The following LMX1A variants were observed in gnomAD, a reference collection of about 807,000 sequenced individuals.
LMX1A encodes the protein LIM homeobox transcription factor 1 alpha, also known as LIM homeobox transcription factor 1-alpha.
Under a neutral mutation model 49.1 loss-of-function variants are expected in LMX1A, and 15 were observed. The observed-to-expected ratio is 0.31, with a 90% CI of 0.20 to 0.47. The LOEUF is 0.47. Among genes scored for constraint, LMX1A ranks in the 20% least tolerant of loss-of-function variants. The pLI is 1.00. For missense variants in LMX1A, 372 were observed against 475.8 expected (o/e 0.78, Z 2.03); for synonymous variants, 167 against 185.7 (o/e 0.90, Z 0.82).
chr1:165,325,731 C>T (rs535808949), intron 3 of LMX1A, among the ~76,000 whole-genome samples: 2 of 152,272 alleles, frequency 1.3e-5, no homozygotes, highest in African/African-American at 2.4e-5. Flanking sequence ...TGAACTCAAA[C>T]ACCAGCAAGC....
At chr1:165,247,517 T>G (rs565016937) in intron 4 of LMX1A, among the ~76,000 whole-genome samples, 9 of 152,268 alleles carry the variant, frequency 5.9e-5, no homozygotes, top group African/African-American at 2.2e-4. Flanking sequence ...AGGAGAAATT[T>G]CCCTCAAATC....
intron 4 of LMX1A, among the ~76,000 whole-genome samples, chr1:165,227,205 G>C (rs1459408136): frequency 6.6e-6 from 1 of 152,206 alleles, no homozygotes; most frequent in East Asian, 1.9e-4. Context: ...GGAGGGGTTA[G>C]CAGAGCTGAC....
At chr1:165,287,457 C>T (rs1404642702) in intron 3 of LMX1A, among the ~76,000 whole-genome samples, 3 of 152,190 alleles carry the variant, frequency 2.0e-5, no homozygotes, top group African/African-American at 7.2e-5. Flanking sequence ...CAAGACTGGG[C>T]TGGAATTGGG....
intron 4 of LMX1A, among the ~76,000 whole-genome samples, chr1:165,230,854 G>A (rs1283394905): frequency 6.6e-6 from 1 of 152,168 alleles, no homozygotes; most frequent in Non-Finnish European, 1.5e-5. Context: ...GTCTGTCACA[G>A]GTGGCGAGAG....
chr1:165,203,879 C>T lies in LMX1A; in HGVS notation c.*1G>A, dbSNP rs1571141181. 1 of 1,613,950 alleles carries T rather than the reference C, an allele frequency of 6.2e-7. No homozygotes were observed. The highest frequency in any genetic ancestry group is 8.5e-7 in the Non-Finnish European group (1 of 1,179,888). On this transcript the variant is annotated 3_prime_UTR_variant, in exon 9 of 9. Coordinates refer to ENST00000342310, the MANE Select transcript of LMX1A (RefSeq NM_177398.4). ...CTAGTCACAGAACTCTAGGGGAAGA[C>T]TCAAGATGTGAAGTAAGAATTCTGC...
chr1:165,340,461 C>T (rs998110722), intron 3 of LMX1A, among the ~76,000 whole-genome samples: 1 of 152,106 alleles, frequency 6.6e-6, no homozygotes, highest in African/African-American at 2.4e-5. Flanking sequence ...TACTGCCCTG[C>T]CTTCCAGAAC....
At chr1:165,339,013 C>T (rs1655984114) in intron 3 of LMX1A, among the ~76,000 whole-genome samples, 3 of 152,334 alleles carry the variant, frequency 2.0e-5, no homozygotes, top group South Asian at 4.1e-4. Context: ...GCATGTTCCA[C>T]ACCTCAGAGA....
chr1:165,221,037 G>A (rs559418876), intron 4 of LMX1A, among the ~76,000 whole-genome samples: 139 of 152,224 alleles, frequency 9.1e-4, no homozygotes, highest in African/African-American at 3.2e-3. Flanking sequence ...GAAATGCCTT[G>A]TTATCGGTTT....
intron 3 of LMX1A, among the ~76,000 whole-genome samples, chr1:165,275,231 G>A (rs560918555): frequency 6.6e-6 from 1 of 152,236 alleles, no homozygotes; most frequent in East Asian, 1.9e-4. Context: ...CGACAGCCCC[G>A]AGTCCTAGGC....
intron 4 of LMX1A, among the ~76,000 whole-genome samples, chr1:165,233,423 C>T (rs1200631027): frequency 6.6e-6 from 1 of 152,138 alleles, no homozygotes; most frequent in Non-Finnish European, 1.5e-5. Flanking sequence ...CCACTGCACT[C>T]TAGCCTGGGT....
chr1:165,346,478 T>G (rs146464956), intron 3 of LMX1A, among the ~76,000 whole-genome samples: 1 of 152,338 alleles, frequency 6.6e-6, no homozygotes, highest in African/African-American at 2.4e-5. Flanking sequence ...CTAGCTAATC[T>G]GTGCATGGCA....
chr1:165,253,486 G>A (rs1408997193), intron 3 of LMX1A, among the ~76,000 whole-genome samples: 1 of 151,964 alleles, frequency 6.6e-6, no homozygotes, highest in East Asian at 1.9e-4. Flanking sequence ...CTCACAGGTT[G>A]ACACAAAAAA....
chr1:165,292,533 G>A (rs1160577011), intron 3 of LMX1A, among the ~76,000 whole-genome samples: 2 of 152,188 alleles, frequency 1.3e-5, no homozygotes, highest in Non-Finnish European at 2.9e-5. Flanking sequence ...TCACCTGTGC[G>A]GCAGGATTAT....
chr1:165,306,376 T>C (rs934597651), intron 3 of LMX1A, among the ~76,000 whole-genome samples: 1 of 152,196 alleles, frequency 6.6e-6, no homozygotes, highest in Non-Finnish European at 1.5e-5. Context: ...TTGGCTTCTG[T>C]CATTCTCCAT....
intron 3 of LMX1A, among the ~76,000 whole-genome samples, chr1:165,289,646 G>A (rs186931190): frequency 3.9e-5 from 6 of 152,388 alleles, no homozygotes; most frequent in East Asian, 3.9e-4. Flanking sequence ...AGGAACTGCC[G>A]TGTAGCACAA....
intron 3 of LMX1A, among the ~76,000 whole-genome samples, chr1:165,307,988 A>C (rs1311817384): frequency 2.0e-5 from 3 of 152,236 alleles, no homozygotes; most frequent in Non-Finnish European, 4.4e-5. Context: ...TTGAGTCAGA[A>C]CAATTTCAGG....
At chr1:165,271,230 C>A (rs1308934935) in intron 3 of LMX1A, among the ~76,000 whole-genome samples, 1 of 152,100 alleles carries the variant, frequency 6.6e-6, no homozygotes, top group Non-Finnish European at 1.5e-5. Flanking sequence ...TGAAGAACCC[C>A]CTGGTCCCAG....
chr1:165,335,313 C>T (rs1655865388), intron 3 of LMX1A, among the ~76,000 whole-genome samples: 1 of 151,990 alleles, frequency 6.6e-6, no homozygotes, highest in South Asian at 2.1e-4. Flanking sequence ...AGCAAAAATA[C>T]ATAATGTATG....
intron 4 of LMX1A, among the ~76,000 whole-genome samples, chr1:165,216,394 T>C (rs1651645220): frequency 6.6e-6 from 1 of 152,198 alleles, no homozygotes; most frequent in Non-Finnish European, 1.5e-5. Context: ...CAATTCTCTC[T>C]GGTGGTGAAC....
Sources: gnomAD v4.1 joint callset for allele counts (sites outside exome capture counted in the v4.1 genomes callset) on GRCh38, gnomAD v4.1.1 for gene constraint, MANE v1.5 for transcripts, NCBI Gene and HGNC (gene_info 2026-07-23, HGNC 2026-07-21) for gene names.